KIF1B: variants seen among roughly 807,000 people sequenced by gnomAD.
The protein encoded by KIF1B is kinesin family member 1B, also known as kinesin-like protein KIF1B.
A neutral mutation model predicts 241.9 loss-of-function variants in KIF1B; 76 were observed. The ratio of observed to expected loss-of-function variants is 0.31; its 90% CI spans 0.26 to 0.38. The LOEUF is 0.38. Among genes scored for constraint, KIF1B ranks in the 10% least tolerant of loss-of-function variants. The pLI, the probability that KIF1B is intolerant of heterozygous loss-of-function variation, is 1.00. For missense variants in KIF1B, 1,622 were observed against 2,271.4 expected, an observed-to-expected ratio of 0.71 and a Z score of 5.81; for synonymous variants, 750 against 796.7, an observed-to-expected ratio of 0.94 and a Z score of 0.99.
Position 10,279,739 on chromosome 1 carries a change from C to T in KIF1B, c.1222+601C>T, listed in dbSNP as rs140734025. Among the ~76,000 whole-genome samples, 49 of 125,902 alleles carry T rather than the reference C, an allele frequency of 3.9e-4. No individual in the cohort carries two copies. The East Asian group carries it at 0.012, about 31-fold the overall frequency. The allele number at this position is 125,902 out of a possible 152,430, so 82.6% of individuals were successfully genotyped here. ...TTTAGACAGTCTCACTCTTGTCACC[C>T]AAGCTGGAGTGTAATGACATGATCG... On this transcript the variant is annotated intron_variant, in intron 14 of 48. Coordinates refer to ENST00000676179, the MANE Select transcript of KIF1B (RefSeq NM_001365951.3).
chr1:10,286,340 T>C (rs1406669678), intron 15 of KIF1B, among the ~76,000 whole-genome samples: 1 of 152,238 alleles, frequency 6.6e-6, no homozygotes, highest in Non-Finnish European at 1.5e-5. Flanking sequence ...ATGCCAGGTC[T>C]TCCTGTCAAA....
At chr1:10,340,928 T>G (rs1019328682) in intron 32 of KIF1B, among the ~76,000 whole-genome samples, 2 of 152,252 alleles carry the variant, frequency 1.3e-5, no homozygotes, top group Admixed American at 6.5e-5. Flanking sequence ...TAACCATGTC[T>G]GCTCTCTAAA....
chr1:10,332,356 A>G (rs1210148333), intron 27 of KIF1B, among the ~76,000 whole-genome samples: 1 of 151,304 alleles, frequency 6.6e-6, no homozygotes, highest in Non-Finnish European at 1.5e-5. Context: ...GTGAGCCACC[A>G]TGCCCGGCCC....
chr1:10,381,469 AC>A lies in KIF1B; in HGVS notation c.*4883del, dbSNP rs1639020078. The A allele has an allele frequency of 4.8e-6, 1 of 206,736 alleles. No homozygotes were observed. Among genetic ancestry groups the A allele is most frequent in the Admixed American group, 5.9e-5 (1 of 16,828 alleles). The allele number at this position is 206,736 out of a possible 1,614,324, so 12.8% of individuals were successfully genotyped here. ...CTGTAAATATAGTTCTTGTATTTGT[AC>A]TAATTCTGATTCTTTTGCTGTATAG... On this transcript the variant is annotated 3_prime_UTR_variant, in exon 49 of 49. Coordinates refer to ENST00000676179, the MANE Select transcript of KIF1B (RefSeq NM_001365951.3).
chr1:10,347,673 C>A, intron 35 of KIF1B, 88 bp from the exon 36 acceptor site: 1 of 1,047,330 alleles, frequency 9.5e-7, no homozygotes, highest in Non-Finnish European at 1.5e-6. Flanking sequence ...GACATGGGAT[C>A]AGAATTTATC....
chr1:10,310,618 T>A (rs1017429341), intron 22 of KIF1B, among the ~76,000 whole-genome samples: 5 of 151,214 alleles, frequency 3.3e-5, no homozygotes, highest in African/African-American at 9.9e-5. Flanking sequence ...AGATAGCTAC[T>A]TCTGATAAAT....
rs549743800 is a variant in KIF1B at position 10,240,460 on chromosome 1, G to T, written c.106+8026G>T. Among the ~76,000 whole-genome samples, 6 of 150,734 alleles carry T rather than the reference G, an allele frequency of 4.0e-5. No homozygotes were observed. In the East Asian group the frequency reaches 7.9e-4, roughly 20 times the overall value. On this transcript the variant is annotated intron_variant, in intron 2 of 48. Coordinates refer to ENST00000676179, the MANE Select transcript of KIF1B (RefSeq NM_001365951.3). ...TGACCTCAAGTAATCCACCTGTCTT[G>T]TCCTCCCAAAGTGCTGGGATTAAAG...
intron 3 of KIF1B, 48 bp downstream of exon 3, chr1:10,256,371 C>T (rs552135379): frequency 1.6e-6 from 2 of 1,273,568 alleles, no homozygotes; most frequent in South Asian, 1.2e-5. Context: ...CTCCTTTCCT[C>T]TTTCCTTGCC....
chr1:10,308,218 A>T (rs971368752), intron 22 of KIF1B: 2 of 1,061,092 alleles, frequency 1.9e-6, no homozygotes, highest in Middle Eastern at 4.2e-4. Context: ...GTGAACCTTA[A>T]TGAAGGGGCC....
intron 37 of KIF1B, among the ~76,000 whole-genome samples, chr1:10,350,435 C>T (rs1384333582): frequency 6.6e-6 from 1 of 151,340 alleles, no homozygotes; most frequent in East Asian, 1.9e-4. Flanking sequence ...TGGTGGGCGC[C>T]TGTAGTCCCA....
At chr1:10,254,327 G>C (rs1647634806) in intron 2 of KIF1B, among the ~76,000 whole-genome samples, 1 of 152,088 alleles carries the variant, frequency 6.6e-6, no homozygotes, top group Admixed American at 6.6e-5. Context: ...ACTTACCTAG[G>C]ATGGATAAAC....
chr1:10,278,103 T>C lies in KIF1B; in HGVS notation c.1155T>C (p.Ala385=). The change falls in exon 13 of 49, where the codon GCT becomes GCC. Residue 385 remains alanine, a synonymous_variant. Transcript: ENST00000676179. ...EVTRLKDLLR[A]QGLGDIIDID... ...CACGGCTGAAGGACCTTCTTCGTGC[T>C]CAGGGCCTGGGAGATATTATTGATA... 6.2e-7 allele frequency: 1 copy of C among 1,614,106 alleles called. No individual in the cohort carries two copies. Among genetic ancestry groups the C allele is most frequent in the South Asian group, 1.1e-5 (1 of 91,086 alleles).
At chr1:10,248,190 T>TTTG (rs59554084) in intron 2 of KIF1B, among the ~76,000 whole-genome samples, 2,717 of 151,050 alleles carry the variant, frequency 0.018, 44 homozygotes, top group Admixed American at 0.041. Context: ...TTGGGTCAAT[T>TTTG]TTGTTGTTGT....
chr1:10,252,386 TTTG>T (rs70997214), intron 2 of KIF1B, among the ~76,000 whole-genome samples: 227 of 149,924 alleles, frequency 1.5e-3, no homozygotes, highest in South Asian at 3.0e-3. Context: ...TTGTGGGGTT[TTTG>T]TTGTTGTTGT....
intron 25 of KIF1B, among the ~76,000 whole-genome samples, chr1:10,324,507 T>C (rs552843377): frequency 3.9e-5 from 6 of 152,214 alleles, no homozygotes; most frequent in Non-Finnish European, 7.3e-5. Flanking sequence ...TTCCCCCTTA[T>C]GACTTTTCAC....
intron 38 of KIF1B, among the ~76,000 whole-genome samples, chr1:10,359,464 A>G (rs971926273): frequency 2.0e-5 from 3 of 152,190 alleles, no homozygotes; most frequent in African/African-American, 7.2e-5. Flanking sequence ...TAAGTGCTGT[A>G]TTTCACATTA....
intron 5 of KIF1B, among the ~76,000 whole-genome samples, chr1:10,264,808 C>G (rs1364814592): frequency 6.6e-6 from 1 of 151,900 alleles, no homozygotes; most frequent in Non-Finnish European, 1.5e-5. Flanking sequence ...ATTACAGGCT[C>G]CTGCTACCAC....
intron 32 of KIF1B, among the ~76,000 whole-genome samples, chr1:10,340,313 C>G (rs895149722): frequency 6.6e-6 from 1 of 152,146 alleles, no homozygotes; most frequent in African/African-American, 2.4e-5. Flanking sequence ...ACATTAATGC[C>G]CTTTACAACT....
At chr1:10,373,345 G>A (rs772696741) in intron 45 of KIF1B, among the ~76,000 whole-genome samples, 8 of 141,254 alleles carry the variant, frequency 5.7e-5, no homozygotes, top group Non-Finnish European at 9.2e-5. Flanking sequence ...AGTAATTCTC[G>A]TGCCTCAGCC....
Sources: allele counts gnomAD v4.1 joint callset (sites outside exome capture counted in the v4.1 genomes callset), GRCh38; gene constraint gnomAD v4.1.1; transcripts MANE v1.5; gene names NCBI Gene and HGNC (gene_info 2026-07-23, HGNC 2026-07-21).